Variants in ZNF786 observed in about 807,000 individuals in gnomAD.
ZNF786 encodes zinc finger protein 786.
In ZNF786, 56 loss-of-function variants were observed where a neutral mutation model predicts 63.1. The observed-to-expected ratio is 0.89, with a 90% CI of 0.72 to 1.11. The LOEUF is 1.11. Ranked by LOEUF, ZNF786 falls within the 50% of genes least tolerant of loss-of-function variation. ZNF786 has a pLI of 0.00. For missense variants in ZNF786, 1,213 were observed against 1,041.8 expected (o/e 1.16, Z -2.26); for synonymous variants, 485 against 406.9 (o/e 1.19, Z -2.31).
chr7:149,086,652 A>ACG (rs1473833393), intron 1 of ZNF786, among the ~76,000 whole-genome samples: 3 of 146,240 alleles, frequency 2.1e-5, no homozygotes, highest in Non-Finnish European at 4.6e-5. Flanking sequence ...ACACACACAT[A>ACG]CACACAAAAG....
intron 3 of ZNF786, among the ~76,000 whole-genome samples, chr7:149,072,917 TA>T (rs992399613): frequency 6.6e-6 from 1 of 152,208 alleles, no homozygotes; most frequent in Non-Finnish European, 1.5e-5. Flanking sequence ...GTACTCTGTT[TA>T]AGTGTTGGCT....
chr7:149,071,076 A>C lies in ZNF786; in HGVS notation c.1696T>G (p.Ser566Ala). The change falls in exon 4 of 4, where the codon TCG becomes GCG. Residue 566 changes from serine to alanine, a missense_variant. Transcript: ENST00000491431. Reference sequence around the variant, plus strand: ...AAGCCCTTGCCACACTCCCCGCACGAGAACGGCCTCTCCTTGCTGTGCGTG... The same window carrying C: ...AAGCCCTTGCCACACTCCCCGCACGCGAACGGCCTCTCCTTGCTGTGCGTG... ...QHTHSKERPFSCGECGKGFTR... is the reference protein window; with the variant it reads ...QHTHSKERPFACGECGKGFTR... The C allele has an allele frequency of 6.2e-7, 1 of 1,611,824 alleles. No homozygotes were observed.
At chr7:149,075,556 T>C (rs1825529282) in intron 2 of ZNF786, among the ~76,000 whole-genome samples, 1 of 151,658 alleles carries the variant, frequency 6.6e-6, no homozygotes, top group Admixed American at 6.6e-5. Flanking sequence ...GTGGTTTAAC[T>C]TATTAGAAAT....
intron 3 of ZNF786, among the ~76,000 whole-genome samples, chr7:149,073,757 A>C: frequency 1.2e-5 from 1 of 84,020 alleles, no homozygotes; most frequent in Middle Eastern, 5.8e-3. Context: ...GTATATATAT[A>C]TATATATATA....
chr7:149,083,695 T>TCC (rs1295934155), intron 1 of ZNF786, among the ~76,000 whole-genome samples: 2 of 152,248 alleles, frequency 1.3e-5, no homozygotes, highest in African/African-American at 4.8e-5. Context: ...CCTCCCAGCC[T>TCC]CCACCTTCAA....
intron 1 of ZNF786, among the ~76,000 whole-genome samples, chr7:149,090,251 C>G (rs1825808476): frequency 6.6e-6 from 1 of 152,230 alleles, no homozygotes; most frequent in Non-Finnish European, 1.5e-5. Flanking sequence ...AACAGTTGTT[C>G]TGATTTCGGT....
intron 2 of ZNF786, among the ~76,000 whole-genome samples, chr7:149,075,269 GTCTCACTC>G (rs1419682885): frequency 6.6e-6 from 1 of 152,140 alleles, no homozygotes; most frequent in Admixed American, 6.6e-5. Context: ...TTTAGATAGG[GTCTCACTC>G]TGTCTCTCAG....
intron 3 of ZNF786, 85 bp downstream of exon 3, chr7:149,074,301 C>G: frequency 6.6e-7 from 1 of 1,519,924 alleles, no homozygotes; most frequent in Non-Finnish European, 8.9e-7. Context: ...CCTCAGCTTG[C>G]CCAAACAGGA....
Position 149,070,531 on chromosome 7 carries a change from A to T in ZNF786, c.2241T>A (p.Leu747=). The T allele has an allele frequency of 6.2e-7, 1 of 1,614,004 alleles. No homozygotes were observed. The highest frequency in any genetic ancestry group is 8.5e-7 in the Non-Finnish European group (1 of 1,179,894). The change falls in exon 4 of 4, where the codon CTT becomes CTA. Residue 747 remains leucine, a synonymous_variant. Transcript: ENST00000491431. ...CGKGFIYKSK[L]AEHIRVHTKS... ...TTGTGTGTACTCTGATGTGCTCCGC[A>T]AGCTTAGACTTGTAAATGAAGCCCT... is the stretch of plus-strand genomic sequence containing the variant.
chr7:149,078,933 A>G (rs1022215760), intron 2 of ZNF786, among the ~76,000 whole-genome samples: 3 of 152,254 alleles, frequency 2.0e-5, no homozygotes, highest in African/African-American at 7.2e-5. Flanking sequence ...ACTGGGGAGA[A>G]GATGATAGAA....
At chr7:149,090,461 C>T (rs1041699753) in intron 1 of ZNF786, among the ~76,000 whole-genome samples, 162 bp downstream of exon 1, 1 of 152,240 alleles carries the variant, frequency 6.6e-6, no homozygotes, top group African/African-American at 2.4e-5. Flanking sequence ...ACCTGCTCAC[C>T]GCAGGGCCCG....
intron 3 of ZNF786, among the ~76,000 whole-genome samples, chr7:149,073,728 T>C (rs1208498408): frequency 5.1e-5 from 3 of 58,986 alleles, no homozygotes; most frequent in African/African-American, 7.3e-5. Flanking sequence ...TGTGTGCGTG[T>C]GTGTGTGTGT....
chr7:149,085,592 G>A (rs1223718897), intron 1 of ZNF786, among the ~76,000 whole-genome samples: 2 of 152,200 alleles, frequency 1.3e-5, no homozygotes, highest in Non-Finnish European at 2.9e-5. Flanking sequence ...TGGGATTACA[G>A]GCGTGAGCCA....
rs547706821 is a variant in ZNF786 at position 149,071,614 on chromosome 7, G to A, written c.1158C>T (p.Ser386=). The part of the protein sequence containing the change: ...ERSPMSARLA[S]PCRAHTGEKP... ...TTTCTCCAGTATGCGCCCTGCAGGG[G>A]CTGGCGAGCCTGGCGCTCATAGGGG... Residue 386 remains serine (S), a synonymous_variant, in exon 4 of 4, where the codon AGC becomes AGT. Transcript: ENST00000491431. The A allele has an allele frequency of 1.6e-5, 25 of 1,594,606 alleles. No homozygotes were observed. Among genetic ancestry groups the A allele is most frequent in the Non-Finnish European group, 2.0e-5 (23 of 1,172,660 alleles).
intron 2 of ZNF786, among the ~76,000 whole-genome samples, chr7:149,078,348 G>A (rs1219526158): frequency 1.3e-5 from 2 of 152,034 alleles, no homozygotes; most frequent in South Asian, 2.1e-4. Context: ...AATGTTTTCA[G>A]TTATATGTTT....
chr7:149,072,215 TG>T lies in ZNF786; in HGVS notation c.556del (p.Gln186SerfsTer17). The T allele has an allele frequency of 6.2e-7, 1 of 1,613,642 alleles. No homozygotes were observed. Among genetic ancestry groups the T allele is most frequent in the African/African-American group, 1.3e-5 (1 of 75,054 alleles). ...TTCCCCGCAGACAGGCCAAGGGTGCTGGGTGCTCTCCCAGGCGGGGACGTCC... is the reference window on the plus strand; with the variant it reads ...TTCCCCGCAGACAGGCCAAGGGTGCTGGTGCTCTCCCAGGCGGGGACGTCC... The part of the protein sequence containing the change: ...LWDVPAWEST[Q>X]HPWPVCGESC... On this transcript the variant is annotated frameshift_variant, in exon 4 of 4. Transcript: ENST00000491431. LOFTEE classifies it high-confidence loss of function.
intron 3 of ZNF786, among the ~76,000 whole-genome samples, chr7:149,073,775 A>G (rs1448630263): frequency 8.7e-5 from 9 of 102,868 alleles, no homozygotes; most frequent in South Asian, 3.8e-4. Context: ...ATATATATAT[A>G]TATATGTATA....
intron 2 of ZNF786, among the ~76,000 whole-genome samples, chr7:149,079,034 GATTGGAGGAA>G (rs1825610304): frequency 6.6e-6 from 1 of 152,168 alleles, no homozygotes; most frequent in South Asian, 2.1e-4. Flanking sequence ...AGCGTATTTA[GATTGGAGGAA>G]GCCACTTTAA....
At chr7:149,076,191 C>T (rs1361104624) in intron 2 of ZNF786, among the ~76,000 whole-genome samples, 1 of 151,800 alleles carries the variant, frequency 6.6e-6, no homozygotes, top group Non-Finnish European at 1.5e-5. Flanking sequence ...CTCAGCTCAC[C>T]GCAGCCTCCG....
Sources: allele counts gnomAD v4.1 joint callset (sites outside exome capture counted in the v4.1 genomes callset), GRCh38; gene constraint gnomAD v4.1.1; transcripts MANE v1.5; gene names NCBI Gene and HGNC (gene_info 2026-07-23, HGNC 2026-07-21).